Variants in ALMS1 observed in about 807,000 individuals in gnomAD.
ALMS1 encodes centrosome-associated protein ALMS1.
A neutral mutation model predicts 352.2 loss-of-function variants in ALMS1; 271 were observed. The ratio of observed to expected loss-of-function variants is 0.77; its 90% CI spans 0.70 to 0.85. The LOEUF is 0.85. Ranked by LOEUF, ALMS1 falls within the 40% of genes least tolerant of loss-of-function variation. The probability of loss-of-function intolerance (pLI) is 0.00; values close to 1 mark genes in which losing one functional copy is unlikely to be tolerated. For missense variants in ALMS1, 5,445 were observed against 4,870.7 expected (o/e 1.12, Z -3.51); for synonymous variants, 1,865 against 1,761.2 (o/e 1.06, Z -1.48).
chr2:73,388,139 CAT>C (rs1010731846), intron 1 of ALMS1, among the ~76,000 whole-genome samples: 2 of 152,140 alleles, frequency 1.3e-5, no homozygotes, highest in African/African-American at 4.8e-5. Flanking sequence ...AAGTCATTTA[CAT>C]AGAGACCATA....
chr2:73,463,483 C>A (rs1672255206), intron 9 of ALMS1, among the ~76,000 whole-genome samples: 1 of 141,454 alleles, frequency 7.1e-6, no homozygotes, highest in Middle Eastern at 3.2e-3. Context: ...GCACTAAATG[C>A]CCACAAGAGA....
At chr2:73,604,830 G>A (rs142206365) in intron 21 of ALMS1, among the ~76,000 whole-genome samples, 2 of 152,174 alleles carry the variant, frequency 1.3e-5, no homozygotes, top group Non-Finnish European at 2.9e-5. Context: ...GAGAAATGGG[G>A]AGGAGTAAAA....
At chr2:73,503,550 A>G (rs1050758854) in intron 10 of ALMS1, among the ~76,000 whole-genome samples, 7 of 152,170 alleles carry the variant, frequency 4.6e-5, no homozygotes, top group African/African-American at 1.7e-4. Context: ...ATAGTGCCGC[A>G]ATAAACATAC....
Position 73,482,481 on chromosome 2 carries a change from A to G in ALMS1, c.7675-7153A>G, listed in dbSNP as rs183841117. On this transcript the variant is annotated intron_variant, in intron 9 of 22. Coordinates refer to ENST00000613296, the MANE Select transcript of ALMS1 (RefSeq NM_001378454.1). ...GGTGTGCTGCTGGATTCAGTTTGCC[A>G]GTATTTTATTGAGGATTTTTGCATC... Among the ~76,000 whole-genome samples the G allele has an allele frequency of 3.6e-4, 54 of 148,424 alleles. No homozygotes were observed. In the South Asian group the frequency reaches 0.011, roughly 31 times the overall value.
chr2:73,500,236 A>T (rs899699945), intron 10 of ALMS1, among the ~76,000 whole-genome samples: 1 of 152,216 alleles, frequency 6.6e-6, no homozygotes. Flanking sequence ...AACTAGTTTC[A>T]GGTTAAAAAT....
chr2:73,386,323 C>T, intron 1 of ALMS1, 131 bp downstream of exon 1: 1 of 1,282,772 alleles, frequency 7.8e-7, no homozygotes, highest in Non-Finnish European at 1.0e-6. Context: ...TAGTAGGCGG[C>T]CCAGACTCCA....
intron 12 of ALMS1, among the ~76,000 whole-genome samples, chr2:73,541,798 C>T (rs1195649678): frequency 6.6e-6 from 1 of 152,328 alleles, no homozygotes; most frequent in African/African-American, 2.4e-5. Flanking sequence ...AACACATATA[C>T]CTTCCCAAGA....
At position 73,608,677 on chromosome 2, in the gene ALMS1, C is replaced by T. The variant is rs557555946; in HGVS notation, c.12462+103C>T. 10 of 899,344 alleles carry T rather than the reference C, an allele frequency of 1.1e-5. No individual in the cohort carries two copies. In the African/African-American group the frequency reaches 1.3e-4, roughly 12 times the overall value. The allele number at this position is 899,344 out of a possible 1,614,324, so 55.7% of individuals were successfully genotyped here. ...TTGAGTGTGAAGTCAGAATGAACCG[C>T]ATTTGAGGAATGAACTTAGAATGCA... On this transcript the variant is annotated intron_variant, in intron 22 of 22. Transcript: ENST00000613296.
At chr2:73,563,856 A>G (rs547423946) in intron 15 of ALMS1, among the ~76,000 whole-genome samples, 17 of 152,224 alleles carry the variant, frequency 1.1e-4, no homozygotes, top group Middle Eastern at 6.8e-3. Context: ...AGGGAGAAAA[A>G]AAATAAAACA....
intron 1 of ALMS1, among the ~76,000 whole-genome samples, chr2:73,404,898 CCTTTTTT>C (rs1670941963): frequency 1.2e-5 from 1 of 82,732 alleles, no homozygotes; most frequent in Admixed American, 1.3e-4. Context: ...TTGTCCTGGA[CCTTTTTT>C]TTTTTTTTTT....
intron 9 of ALMS1, among the ~76,000 whole-genome samples, chr2:73,480,373 A>G (rs1016573359): frequency 1.1e-4 from 16 of 151,994 alleles, no homozygotes; most frequent in Non-Finnish European, 1.9e-4. Flanking sequence ...ATGATTTCCA[A>G]TTTCATCCAT....
chr2:73,563,831 G>A (rs2104079071), intron 15 of ALMS1, among the ~76,000 whole-genome samples: 1 of 151,894 alleles, frequency 6.6e-6, no homozygotes, highest in East Asian at 1.9e-4. Context: ...GGATTGGACG[G>A]TGGAATTTGC....
At chr2:73,504,584 TC>T (rs1673282704) in intron 10 of ALMS1, among the ~76,000 whole-genome samples, 1 of 152,234 alleles carries the variant, frequency 6.6e-6, no homozygotes, top group African/African-American at 2.4e-5. Context: ...CACCTGGAGA[TC>T]CATTCAACTT....
rs886056299 is a variant in ALMS1 at position 73,432,199 on chromosome 2, C to T, written c.1340C>T (p.Pro447Leu). Residue 447 changes from proline (P) to leucine (L), a missense_variant and splice_region_variant, in exon 7 of 23, where the codon CCA becomes CTA. Transcript: ENST00000613296. ...SERVAELQRK[P>L]TRESEYHSSD... is the part of the protein sequence containing the mutation. ...TTGCCTTCATTTGTTCCACATAAGCCAACAAGAGAGTCGGAATATCACTCT... is the reference window on the plus strand; with the variant it reads ...TTGCCTTCATTTGTTCCACATAAGCTAACAAGAGAGTCGGAATATCACTCT... The T allele has an allele frequency of 6.2e-7, 1 of 1,611,540 alleles. No homozygotes were observed. Among genetic ancestry groups the T allele is most frequent in the Non-Finnish European group, 8.5e-7 (1 of 1,177,932 alleles).
chr2:73,409,814 G>T (rs1256071007), intron 2 of ALMS1, among the ~76,000 whole-genome samples: 1 of 152,188 alleles, frequency 6.6e-6, no homozygotes, highest in Non-Finnish European at 1.5e-5. Flanking sequence ...AGACTGAGAA[G>T]TCCCAAGATC....
At chr2:73,559,832 A>T (rs1262958409) in intron 15 of ALMS1, among the ~76,000 whole-genome samples, 1 of 152,244 alleles carries the variant, frequency 6.6e-6, no homozygotes, top group East Asian at 1.9e-4. Flanking sequence ...ATCCACATTT[A>T]AAAGAATAAA....
chr2:73,486,723 G>A (rs1322473835), intron 9 of ALMS1, among the ~76,000 whole-genome samples: 2 of 152,094 alleles, frequency 1.3e-5, no homozygotes, highest in East Asian at 1.9e-4. Flanking sequence ...ATTTTCCAGT[G>A]GGCTGAATTA....
chr2:73,601,050 G>A, intron 18 of ALMS1, 145 bp from the exon 19 acceptor site: 2 of 1,444,860 alleles, frequency 1.4e-6, no homozygotes, highest in East Asian at 2.3e-5. Context: ...CATCCCTGCA[G>A]CAAAACCAGA....
At chr2:73,535,808 G>A (rs527798920) in intron 12 of ALMS1, among the ~76,000 whole-genome samples, 3 of 152,120 alleles carry the variant, frequency 2.0e-5, no homozygotes, top group South Asian at 2.1e-4. Flanking sequence ...AGTTGTCGAC[G>A]GGATATGACT....
Sources: gnomAD v4.1 joint callset for allele counts (sites outside exome capture counted in the v4.1 genomes callset) on GRCh38, gnomAD v4.1.1 for gene constraint, MANE v1.5 for transcripts, NCBI Gene and HGNC (gene_info 2026-07-23, HGNC 2026-07-21) for gene names.